Variants in SP4 observed in about 807,000 individuals in gnomAD.
The protein encoded by SP4 is transcription factor Sp4.
In SP4, 19 loss-of-function variants were observed where a neutral mutation model predicts 72.8. The observed-to-expected ratio is 0.26, with a 90% CI of 0.18 to 0.38. The LOEUF is 0.38. Ranked by LOEUF, SP4 falls within the 10% of genes least tolerant of loss-of-function variation. The probability of loss-of-function intolerance (pLI) is 1.00; values close to 1 mark genes in which losing one functional copy is unlikely to be tolerated. For synonymous variants in SP4, 395 were observed against 333.1 expected (o/e 1.19, Z -2.02); for missense variants, 1,008 against 926.3 (o/e 1.09, Z -1.14).
At chr7:21,476,903 A>G (rs1439005189) in intron 3 of SP4, among the ~76,000 whole-genome samples, 176 bp from the exon 4 acceptor site, 1 of 152,234 alleles carries the variant, frequency 6.6e-6, no homozygotes, top group Non-Finnish European at 1.5e-5. Flanking sequence ...CTGAGCCACT[A>G]AAGTAAGAAT....
intron 5 of SP4, among the ~76,000 whole-genome samples, chr7:21,495,178 G>A (rs1465648183): frequency 5.9e-5 from 9 of 152,194 alleles, no homozygotes; most frequent in East Asian, 1.9e-4. Context: ...GATAGGCTAC[G>A]AGTGCTTTAA....
chr7:21,480,566 G>T (rs1167842537), intron 4 of SP4, among the ~76,000 whole-genome samples: 1 of 152,128 alleles, frequency 6.6e-6, no homozygotes, highest in Non-Finnish European at 1.5e-5. Context: ...TATAAGGTTG[G>T]TAGTGATATC....
At chr7:21,435,829 T>TTAATTTTG (rs1192962466) in intron 3 of SP4, among the ~76,000 whole-genome samples, 4 of 150,742 alleles carry the variant, frequency 2.7e-5, no homozygotes, top group Non-Finnish European at 5.9e-5. Context: ...TAGAGCCACA[T>TTAATTTTG]TAATTTTGTA....
intron 3 of SP4, among the ~76,000 whole-genome samples, chr7:21,448,487 G>T (rs1783493203): frequency 6.6e-6 from 1 of 152,070 alleles, no homozygotes; most frequent in South Asian, 2.1e-4. Flanking sequence ...TGACATTGTG[G>T]TGCTGGTGAA....
chr7:21,430,870 C>CTTTA (rs777057556), intron 3 of SP4, 27 bp downstream of exon 3: 1 of 1,484,796 alleles, frequency 6.7e-7, no homozygotes, highest in Non-Finnish European at 9.2e-7. Context: ...TTTTAAGTAC[C>CTTTA]TTTTAAATAG....
chr7:21,437,657 C>CA (rs539216876), intron 3 of SP4, among the ~76,000 whole-genome samples: 1 of 152,156 alleles, frequency 6.6e-6, no homozygotes, highest in Non-Finnish European at 1.5e-5. Flanking sequence ...ATACATTTAA[C>CA]AGGTAAGATC....
At chr7:21,467,440 C>A (rs974223844) in intron 3 of SP4, among the ~76,000 whole-genome samples, 2 of 152,060 alleles carry the variant, frequency 1.3e-5, no homozygotes, top group African/African-American at 4.8e-5. Context: ...AGTTTTGCAG[C>A]TATCACCACA....
At chr7:21,456,552 T>G (rs1334323590) in intron 3 of SP4, among the ~76,000 whole-genome samples, 1 of 151,480 alleles carries the variant, frequency 6.6e-6, no homozygotes, top group African/African-American at 2.4e-5. Context: ...TAACAGGGAG[T>G]GTGTGTTTAA....
intron 5 of SP4, among the ~76,000 whole-genome samples, chr7:21,485,018 A>T (rs1271740714): frequency 1.3e-5 from 2 of 151,902 alleles, no homozygotes; most frequent in Non-Finnish European, 3.0e-5. Flanking sequence ...AATATATCAC[A>T]CATAAAATTG....
intron 3 of SP4, among the ~76,000 whole-genome samples, chr7:21,473,293 A>G (rs1014581153): frequency 1.3e-5 from 2 of 152,220 alleles, no homozygotes; most frequent in African/African-American, 4.8e-5. Flanking sequence ...AAAAGATGAC[A>G]TTTTAAGGTT....
At chr7:21,510,860 T>C (rs1042341284) in intron 5 of SP4, among the ~76,000 whole-genome samples, 162 bp from the exon 6 acceptor site, 2 of 152,236 alleles carry the variant, frequency 1.3e-5, no homozygotes, top group African/African-American at 4.8e-5. Flanking sequence ...GTCTTTCTCT[T>C]TGCATTGTGT....
chr7:21,471,834 TTAAAAA>T (rs1287498082), intron 3 of SP4, among the ~76,000 whole-genome samples: 7 of 152,116 alleles, frequency 4.6e-5, no homozygotes, highest in East Asian at 1.9e-4. Flanking sequence ...ACTCCATTTA[TTAAAAA>T]TAAAAATTTG....
At chr7:21,435,971 C>T (rs1212217586) in intron 3 of SP4, among the ~76,000 whole-genome samples, 1 of 151,918 alleles carries the variant, frequency 6.6e-6, no homozygotes, top group Non-Finnish European at 1.5e-5. Flanking sequence ...GGCACGATAT[C>T]TGTTCCAACC....
chr7:21,503,240 A>G (rs527247502), intron 5 of SP4, among the ~76,000 whole-genome samples: 18 of 152,276 alleles, frequency 1.2e-4, no homozygotes, highest in African/African-American at 4.3e-4. Context: ...TGGCCACTAT[A>G]TAATTTCTTT....
chr7:21,513,791 T>C lies in SP4; in HGVS notation c.*2522T>C, dbSNP rs1782204218. ...TATAAATTTATCAGATGAATCTAGA[T>C]AGCTTTATAGCATATAAAATATGTT... On this transcript the variant is annotated 3_prime_UTR_variant, in exon 6 of 6. Coordinates refer to ENST00000222584, the MANE Select transcript of SP4 (RefSeq NM_003112.5). 1 of 152,182 alleles carries C rather than the reference T, an allele frequency of 6.6e-6. No individual in the cohort carries two copies. Among genetic ancestry groups the C allele is most frequent in the South Asian group, 2.1e-4 (1 of 4,836 alleles). 9.4% of individuals were successfully genotyped at this position (152,182 alleles called of 1,614,324 possible).
intron 3 of SP4, among the ~76,000 whole-genome samples, chr7:21,461,427 T>A (rs552037612): frequency 9.2e-5 from 14 of 152,230 alleles, no homozygotes; most frequent in African/African-American, 3.4e-4. Context: ...GCAGCGCCAG[T>A]GGGCCAGTAC....
intron 5 of SP4, among the ~76,000 whole-genome samples, chr7:21,505,814 A>G (rs905460789): frequency 6.6e-6 from 1 of 152,176 alleles, no homozygotes; most frequent in Non-Finnish European, 1.5e-5. Context: ...TTAATTGTCC[A>G]TCGTTAATCA....
chr7:21,503,874 A>G (rs889561590), intron 5 of SP4, among the ~76,000 whole-genome samples: 1 of 152,220 alleles, frequency 6.6e-6, no homozygotes, highest in Admixed American at 6.5e-5. Flanking sequence ...CTATACACCC[A>G]TAATTCCTAA....
At chr7:21,473,365 G>A (rs1263083279) in intron 3 of SP4, among the ~76,000 whole-genome samples, 3 of 152,164 alleles carry the variant, frequency 2.0e-5, no homozygotes, top group African/African-American at 7.2e-5. Flanking sequence ...ATTAGCAGAA[G>A]CAAGACTGGA....
Sources: gnomAD v4.1 joint callset for allele counts (sites outside exome capture counted in the v4.1 genomes callset) on GRCh38, gnomAD v4.1.1 for gene constraint, MANE v1.5 for transcripts, NCBI Gene and HGNC (gene_info 2026-07-23, HGNC 2026-07-21) for gene names.